Variants in SMC4 observed in about 807,000 individuals in gnomAD.
SMC4 encodes structural maintenance of chromosomes protein 4.
Under a neutral mutation model 145.6 loss-of-function variants are expected in SMC4, and 87 were observed. The observed-to-expected ratio is 0.60, with a 90% confidence interval of 0.50 to 0.71. The LOEUF is 0.71. SMC4 is among the 30% of genes least tolerant of loss of function. The probability of loss-of-function intolerance (pLI) is 0.00; values close to 1 mark genes in which losing one functional copy is unlikely to be tolerated. For synonymous variants in SMC4, 558 were observed against 500.7 expected, an observed-to-expected ratio of 1.11 and a Z score of -1.53; for missense variants, 1,447 against 1,537.1, an observed-to-expected ratio of 0.94 and a Z score of 0.98.
At chr3:160,400,720 G>A (rs1044058862) in intron 1 of SMC4, 102 bp from the exon 2 acceptor site, 1 of 1,349,590 alleles carries the variant, frequency 7.4e-7, no homozygotes, top group Non-Finnish European at 9.5e-7. Context: ...GGAGTGTTAA[G>A]CGGGGCTCTC....
At chr3:160,430,929 T>G (rs1718335225) in intron 19 of SMC4, 103 bp from the exon 20 acceptor site, 1 of 1,294,994 alleles carries the variant, frequency 7.7e-7, no homozygotes, top group East Asian at 2.4e-5. Context: ...TATTTTAAAA[T>G]GGAAGGGGCA....
intron 18 of SMC4, among the ~76,000 whole-genome samples, chr3:160,429,526 TG>T (rs998463150): frequency 4.6e-5 from 7 of 151,718 alleles, no homozygotes; most frequent in African/African-American, 1.7e-4. Flanking sequence ...GTATTTTTTT[TG>T]TAGAGACCAG....
At position 160,433,846 on chromosome 3, in the gene SMC4, A is replaced by G. The variant is rs745705116; in HGVS notation, c.*37A>G. On this transcript the variant is annotated 3_prime_UTR_variant, in exon 24 of 24. Coordinates refer to ENST00000357388, the MANE Select transcript of SMC4 (RefSeq NM_001002800.3). ...AAGATTCTTCAAGTTGATTCAGTGT[A>G]TTACTGATTTTTTTCTATTTGTAAA... 5.0e-5 allele frequency: 75 copies of G among 1,514,164 alleles called. No individual in the cohort carries two copies. In the East Asian group the frequency reaches 1.2e-3, roughly 25 times the overall value. 93.8% of individuals were successfully genotyped at this position (1,514,164 alleles called of 1,614,324 possible).
chr3:160,414,618 T>C (rs1716397579), intron 9 of SMC4, 101 bp downstream of exon 9: 2 of 1,125,062 alleles, frequency 1.8e-6, no homozygotes, highest in South Asian at 2.8e-5. Context: ...TGAATTAGTA[T>C]TCTAAATGTT....
chr3:160,411,322 G>A (rs1715970144), intron 5 of SMC4, among the ~76,000 whole-genome samples: 1 of 152,104 alleles, frequency 6.6e-6, no homozygotes, highest in Non-Finnish European at 1.5e-5. Flanking sequence ...ATCCTTTTCT[G>A]TCAAAGGCTC....
chr3:160,408,114 C>T (rs904178345), intron 5 of SMC4, among the ~76,000 whole-genome samples: 6 of 152,138 alleles, frequency 3.9e-5, no homozygotes, highest in Non-Finnish European at 8.8e-5. Context: ...TGCAAACACT[C>T]ATATTTGCTG....
At position 160,404,504 on chromosome 3, in the gene SMC4, G is replaced by A; in HGVS notation, c.687G>A (p.Gln229=). ...DLDHNRFLIL[Q]GEVEQIAMMK... ...ACCATAATAGATTTTTAATTTTACA[G>A]GTAAGTTTATTAAAGACTTCAAAGA... The change falls in exon 5 of 24, where the codon CAG becomes CAA. Residue 229 remains glutamine, a splice_region_variant and synonymous_variant. Coordinates refer to ENST00000357388, the MANE Select transcript of SMC4 (RefSeq NM_001002800.3). 1 of 1,603,208 alleles carries A rather than the reference G, an allele frequency of 6.2e-7. No homozygotes were observed. The highest frequency in any genetic ancestry group is 8.5e-7 in the Non-Finnish European group (1 of 1,176,688).
Position 160,428,811 on chromosome 3 carries a change from C to T in SMC4, c.2664C>T (p.His888=), listed in dbSNP as rs145741228. The T allele has an allele frequency of 6.2e-7, 1 of 1,606,336 alleles. No individual in the cohort carries two copies. The highest frequency in any genetic ancestry group is 1.3e-5 in the African/African-American group (1 of 74,434). ...GKVEAEVKRL[H]NTIVEINNHK... ...TAGAAGCTGAGGTTAAACGCTTACA[C>T]AATACCATCGTAGAAATCAATAATC... is the stretch of plus-strand genomic sequence containing the variant. Residue 888 remains histidine (H), a synonymous_variant, in exon 18 of 24, where the codon CAC becomes CAT. Coordinates refer to ENST00000357388, the MANE Select transcript of SMC4 (RefSeq NM_001002800.3).
At position 160,411,659 on chromosome 3, in the gene SMC4, T is replaced by C. The variant is rs1318357373; in HGVS notation, c.688-261T>C. The stretch of plus-strand genomic sequence containing the variant: ...GGGGAAATGAGTGTGTGTAAGTGGG[T>C]GTATATTACACTTTTATAAGGATTT... On this transcript the variant is annotated intron_variant, in intron 5 of 23. Coordinates refer to ENST00000357388, the MANE Select transcript of SMC4 (RefSeq NM_001002800.3). The C allele has an allele frequency of 1.5e-5, 4 of 261,366 alleles. No homozygotes were observed. In the East Asian group the frequency reaches 2.7e-4, roughly 18 times the overall value. 16.2% of individuals were successfully genotyped at this position (261,366 alleles called of 1,614,324 possible). A position where few individuals can be genotyped will look rare whatever the true frequency, so the allele number is the denominator to read the frequency against.
In SMC4 at chr3:160,416,302, A is replaced by G. The variant is rs1716579284; in HGVS notation, c.1324A>G (p.Thr442Ala). The change falls in exon 10 of 24, where the codon ACA becomes GCA. Residue 442 changes from threonine (T) to alanine (A), a missense_variant. Thr to Ala is a moderately conservative substitution (Grantham distance 58, BLOSUM62 0). Coordinates refer to ENST00000357388, the MANE Select transcript of SMC4 (RefSeq NM_001002800.3). ...CAAGAGTAACAATATCATTAATGAA[A>G]CAACAACCAGAAACAATGCCCTCGA... ...PAKSNNIINETTTRNNALEKE... is the reference protein window; with the variant it reads ...PAKSNNIINEATTRNNALEKE... 3 of 1,602,148 alleles carry G rather than the reference A, an allele frequency of 1.9e-6. No homozygotes were observed. Among genetic ancestry groups the G allele is most frequent in the Admixed American group, 1.8e-5 (1 of 57,058 alleles).
rs1718576824 is a variant in SMC4, at chr3:160,433,010, T to TA, written c.3531-16_3531-15insA. ...CTTTACAGGTAATTTGACTATGATT[T>TA]TCTTAATCATTTCAGTGTTCGACCA... On this transcript the variant is annotated splice_polypyrimidine_tract_variant and intron_variant, in intron 22 of 23. Transcript: ENST00000357388. 6.3e-7 allele frequency: 1 copy of TA among 1,585,032 alleles called. No homozygotes were observed. Among genetic ancestry groups the TA allele is most frequent in the African/African-American group, 1.3e-5 (1 of 74,290 alleles).
chr3:160,432,648 G>C (rs1718534222), intron 22 of SMC4, 133 bp downstream of exon 22: 1 of 609,756 alleles, frequency 1.6e-6, no homozygotes. Context: ...ATACTAATTT[G>C]CTTGCATGCT....
At position 160,432,289 on chromosome 3, in the gene SMC4, T is replaced by G. The variant is rs771670324; in HGVS notation, c.3304T>G (p.Leu1102Val). The G allele has an allele frequency of 6.3e-7, 1 of 1,594,684 alleles. No homozygotes were observed. Among genetic ancestry groups the G allele is most frequent in the Non-Finnish European group, 8.5e-7 (1 of 1,170,566 alleles). The change falls in exon 22 of 24, where the codon TTG becomes GTG. Residue 1102 changes from leucine (L) to valine (V), a missense_variant. By Grantham distance (32) the Leu-to-Val change is conservative (BLOSUM62 1). Coordinates refer to ENST00000357388, the MANE Select transcript of SMC4 (RefSeq NM_001002800.3). ...TATCATAATCTTTTCACAGGAAGAATTGTATTTGCAACGGGTAGCAGAATT... is the reference window on the plus strand; with the variant it reads ...TATCATAATCTTTTCACAGGAAGAAGTGTATTTGCAACGGGTAGCAGAATT... ...AIAEYKKKEE[L>V]YLQRVAELDK...
At position 160,430,720 on chromosome 3, in the gene SMC4, G is replaced by A. The variant is rs1365995232; in HGVS notation, c.2917G>A (p.Val973Ile). ...TCTTGAGGACAAAGCAGCAGAGGTC[G>A]TAAAGAATACAAATGCTGCAGAGGT... is the stretch of plus-strand genomic sequence containing the variant. ...KSLEDKAAEV[V>I]KNTNAAEESL... is the part of the protein sequence containing the mutation. Residue 973 changes from valine (V) to isoleucine (I), a missense_variant, in exon 19 of 24, where the codon GTA becomes ATA. By Grantham distance (29) the Val-to-Ile change is conservative (BLOSUM62 3). Transcript: ENST00000357388. The A allele has an allele frequency of 8.1e-6, 13 of 1,612,252 alleles. No homozygotes were observed. The highest frequency in any genetic ancestry group is 1.7e-5 in the Admixed American group (1 of 59,472).
At chr3:160,418,861 A>ATT (rs112570418) in intron 11 of SMC4, among the ~76,000 whole-genome samples, 6,515 of 152,156 alleles carry the variant, frequency 0.043, 446 homozygotes, top group African/African-American at 0.14. Context: ...GGAGCCTGGC[A>ATT]TTTTTGTATA....
chr3:160,424,724 C>T (rs1576982654), intron 15 of SMC4, 143 bp from the exon 16 acceptor site: 5 of 760,018 alleles, frequency 6.6e-6, no homozygotes, highest in South Asian at 1.7e-5. Flanking sequence ...GCAGGAGAAT[C>T]GCTTGAACCC....
chr3:160,411,043 A>G (rs1297407271), intron 5 of SMC4, among the ~76,000 whole-genome samples: 1 of 152,108 alleles, frequency 6.6e-6, no homozygotes, highest in African/African-American at 2.4e-5. Context: ...CTCAGACACA[A>G]TTTTCTCTCC....
intron 4 of SMC4, 48 bp from the exon 5 acceptor site, chr3:160,404,280 G>T: frequency 6.5e-7 from 1 of 1,544,200 alleles, no homozygotes; most frequent in South Asian, 1.2e-5. Context: ...GTAGGCCTAT[G>T]ACTTAATACC....
chr3:160,429,350 T>C (rs996551970), intron 18 of SMC4, among the ~76,000 whole-genome samples: 1 of 152,212 alleles, frequency 6.6e-6, no homozygotes. Flanking sequence ...TTAGTTTTTA[T>C]TTTTATTTTT....
Sources: gnomAD v4.1 joint callset for allele counts (sites outside exome capture counted in the v4.1 genomes callset) on GRCh38, gnomAD v4.1.1 for gene constraint, MANE v1.5 for transcripts, NCBI Gene and HGNC (gene_info 2026-07-23, HGNC 2026-07-21) for gene names.